The following ERG variants were observed in gnomAD, a reference collection of about 807,000 sequenced individuals.
ERG encodes transcriptional regulator ERG.
A neutral mutation model predicts 55.3 loss-of-function variants in ERG; 9 were observed. The observed-to-expected ratio is 0.16, with a 90% CI of 0.10 to 0.28. The LOEUF (loss-of-function observed/expected upper bound fraction) is 0.28, where lower values mean the gene tolerates loss of function less well. ERG is among the 10% of genes least tolerant of loss of function. ERG has a pLI of 1.00. For missense variants in ERG, 434 were observed against 631.6 expected (o/e 0.69, Z 3.35); for synonymous variants, 223 against 237.3 (o/e 0.94, Z 0.55).
At chr21:38,430,200 C>T (rs901351179) in intron 2 of ERG, among the ~76,000 whole-genome samples, 4 of 151,916 alleles carry the variant, frequency 2.6e-5, no homozygotes, top group South Asian at 2.1e-4. Flanking sequence ...TGTTTGTTGG[C>T]CATTTGTATT....
intron 3 of ERG, among the ~76,000 whole-genome samples, chr21:38,408,713 G>A (rs1039853382): frequency 6.6e-6 from 1 of 152,124 alleles, no homozygotes; most frequent in Non-Finnish European, 1.5e-5. Context: ...AAGCTTTATG[G>A]CTTCTGTCAC....
At chr21:38,559,106 G>A (rs180739303) in intron 2 of ERG, among the ~76,000 whole-genome samples, 40 of 152,178 alleles carry the variant, frequency 2.6e-4, no homozygotes, top group Admixed American at 2.6e-3. Context: ...ACCCAGCATT[G>A]AAGCCACAGA....
intron 1 of ERG, among the ~76,000 whole-genome samples, chr21:38,660,953 G>C (rs2060551195): frequency 6.6e-6 from 1 of 152,046 alleles, no homozygotes; most frequent in African/African-American, 2.4e-5. Context: ...TGGACACTAC[G>C]CGCCCTGCTC....
chr21:38,452,795 G>A (rs1046192961), intron 1 of ERG, among the ~76,000 whole-genome samples: 4 of 152,134 alleles, frequency 2.6e-5, no homozygotes, highest in Non-Finnish European at 4.4e-5. Context: ...ACTTTCTCAG[G>A]GCTCTGAGAA....
At chr21:38,397,083 C>T (rs1038877487) in intron 6 of ERG, among the ~76,000 whole-genome samples, 12 of 151,966 alleles carry the variant, frequency 7.9e-5, no homozygotes, top group African/African-American at 1.2e-4. Context: ...ATACTAGGTA[C>T]GGGCATGCAA....
intron 5 of ERG, among the ~76,000 whole-genome samples, chr21:38,401,401 CT>C (rs1363937438): frequency 6.6e-6 from 1 of 152,188 alleles, no homozygotes; most frequent in Non-Finnish European, 1.5e-5. Flanking sequence ...CACAAGGTCA[CT>C]AATAGGCTGA....
chr21:38,392,544 G>C lies in ERG; in HGVS notation c.746-100C>G, dbSNP rs1988024758. ...TTTTGTATTTATTAGAATAAACTTT[G>C]TGCAAAAAAATCTGGTAATCCAAAG... On this transcript the variant is annotated intron_variant, in intron 6 of 9. Transcript: ENST00000288319. 4.6e-6 allele frequency: 4 copies of C among 870,526 alleles called. No individual in the cohort carries two copies. The African/African-American group carries it at 7.0e-5, about 15-fold the overall frequency. The allele number at this position is 870,526 out of a possible 1,614,324, so 53.9% of individuals were successfully genotyped here.
intron 6 of ERG, among the ~76,000 whole-genome samples, chr21:38,394,273 C>A (rs1166804134): frequency 6.6e-6 from 1 of 152,088 alleles, no homozygotes; most frequent in Non-Finnish European, 1.5e-5. Context: ...GGACCAGCAA[C>A]ATCAACAATA....
chr21:38,391,114 T>C (rs1987948202), intron 8 of ERG, 72 bp from the exon 9 acceptor site: 1 of 1,267,444 alleles, frequency 7.9e-7, no homozygotes, highest in South Asian at 1.3e-5. Context: ...TCAGACATAA[T>C]GCCTGACTTA....
chr21:38,416,900 G>A (rs1288499097), intron 3 of ERG, among the ~76,000 whole-genome samples: 1 of 152,222 alleles, frequency 6.6e-6, no homozygotes, highest in East Asian at 1.9e-4. Context: ...TGGGGATGTG[G>A]CAGAGGAAAA....
rs113465785 is a variant in ERG, at chr21:38,618,410, A to G, written c.-149-33465T>C. On this transcript the variant is annotated intron_variant, in intron 1 of 10. Transcript: ENST00000398910. ...TAAAGTGGCACAGAGTGAGAATCAC[A>G]AAGTAACGTGGAGCAGATTGACTCT... Among the ~76,000 whole-genome samples, 276 of 152,350 alleles carry G rather than the reference A, an allele frequency of 1.8e-3. 1 individual carries two copies. The highest frequency in any genetic ancestry group is 6.1e-3 in the African/African-American group (254 of 41,582).
chr21:38,436,566 T>TGAGCA (rs899333743), intron 2 of ERG, among the ~76,000 whole-genome samples: 4 of 152,176 alleles, frequency 2.6e-5, no homozygotes, highest in Non-Finnish European at 4.4e-5. Flanking sequence ...AACTTTCACT[T>TGAGCA]GAGCAAGTGA....
At chr21:38,547,568 C>T (rs896444671) in intron 2 of ERG, among the ~76,000 whole-genome samples, 6 of 152,146 alleles carry the variant, frequency 3.9e-5, no homozygotes, top group Admixed American at 1.3e-4. Flanking sequence ...GAGGGCGACT[C>T]GATCATAGGC....
chr21:38,488,894 A>T (rs1308883668), intron 1 of ERG, among the ~76,000 whole-genome samples: 3 of 152,256 alleles, frequency 2.0e-5, no homozygotes, highest in Admixed American at 6.5e-5. Context: ...ACCGAGGATG[A>T]GAACGAGGTA....
intron 1 of ERG, among the ~76,000 whole-genome samples, chr21:38,581,974 A>C (rs1276138176): frequency 2.1e-5 from 3 of 140,200 alleles, no homozygotes; most frequent in Non-Finnish European, 3.0e-5. Flanking sequence ...ACCCGGGAGG[A>C]GGAGGTTGCA....
chr21:38,554,448 G>GA (rs1402557226), intron 2 of ERG, among the ~76,000 whole-genome samples: 1 of 151,920 alleles, frequency 6.6e-6, no homozygotes, highest in Admixed American at 6.6e-5. Flanking sequence ...ACTGGATAAA[G>GA]AAAAAAATGT....
At chr21:38,594,209 A>G (rs2836546) in intron 1 of ERG, among the ~76,000 whole-genome samples, 103,232 of 152,004 alleles carry the variant, frequency 0.68, 35,247 homozygotes, top group African/African-American at 0.71. Flanking sequence ...CTGAGTTTTG[A>G]CTGGTTTACA....
intron 1 of ERG, among the ~76,000 whole-genome samples, chr21:38,458,655 G>A (rs1243699078): frequency 3.3e-5 from 5 of 152,130 alleles, no homozygotes; most frequent in Non-Finnish European, 7.4e-5. Context: ...TTTCACTCAC[G>A]TCAGTGTCTC....
chr21:38,530,287 T>C (rs192087424), intron 2 of ERG, among the ~76,000 whole-genome samples: 94 of 152,210 alleles, frequency 6.2e-4, no homozygotes, highest in African/African-American at 2.2e-3. Flanking sequence ...CTCAAACTCC[T>C]GACCTCAAGT....
Sources: allele counts gnomAD v4.1 joint callset (sites outside exome capture counted in the v4.1 genomes callset), GRCh38; gene constraint gnomAD v4.1.1; transcripts MANE v1.5; gene names NCBI Gene and HGNC (gene_info 2026-07-23, HGNC 2026-07-21).